Variants in CSMD1 observed in about 807,000 individuals in gnomAD.
CSMD1 encodes the protein CUB and sushi domain-containing protein 1.
CSMD1 carries 213 observed loss-of-function variants against 417.5 expected under a neutral mutation model. The observed-to-expected ratio is 0.51, with a 90% CI of 0.46 to 0.57. The LOEUF (loss-of-function observed/expected upper bound fraction) is 0.57, where lower values mean the gene tolerates loss of function less well. Ranked by LOEUF, CSMD1 falls within the 20% of genes least tolerant of loss-of-function variation. CSMD1 has a pLI of 0.00. For missense variants in CSMD1, 6,923 were observed against 4,529.7 expected (o/e 1.53, Z -15.17); for synonymous variants, 2,862 against 1,736.8 (o/e 1.65, Z -16.11).
intron 7 of CSMD1, among the ~76,000 whole-genome samples, chr8:3,698,128 C>T (rs1312971813): frequency 6.6e-6 from 1 of 152,080 alleles, no homozygotes; most frequent in Non-Finnish European, 1.5e-5. Context: ...TTCTAGTTCC[C>T]AGTGATGCTG....
intron 2 of CSMD1, among the ~76,000 whole-genome samples, chr8:4,541,612 G>A (rs1797391002): frequency 6.6e-6 from 1 of 152,068 alleles, no homozygotes; most frequent in African/African-American, 2.4e-5. Context: ...GCCGGGCATG[G>A]TGGCAAGCAC....
intron 5 of CSMD1, among the ~76,000 whole-genome samples, chr8:3,926,014 TACACACACACAC>T (rs10635075): frequency 2.7e-4 from 33 of 123,460 alleles, no homozygotes; most frequent in African/African-American, 9.7e-4. Context: ...TATTTGTCTA[TACACACACACAC>T]ACACACACAC....
chr8:3,178,033 C>T (rs1279259599), intron 37 of CSMD1, among the ~76,000 whole-genome samples: 1 of 152,108 alleles, frequency 6.6e-6, no homozygotes. Context: ...TTCAAAGATG[C>T]TAATCTTTTT....
chr8:3,365,087 T>A (rs551389699), intron 20 of CSMD1, among the ~76,000 whole-genome samples: 2 of 152,192 alleles, frequency 1.3e-5, no homozygotes, highest in Non-Finnish European at 2.9e-5. Flanking sequence ...GAGGAAGTGA[T>A]ATTCTCATAG....
chr8:4,375,766 T>C (rs975517346), intron 3 of CSMD1, among the ~76,000 whole-genome samples: 1 of 152,308 alleles, frequency 6.6e-6, no homozygotes, highest in South Asian at 2.1e-4. Flanking sequence ...CCTGTCTTTG[T>C]ACAGTGATTT....
intron 11 of CSMD1, among the ~76,000 whole-genome samples, chr8:3,476,774 C>T (rs1817452175): frequency 6.6e-6 from 1 of 151,952 alleles, no homozygotes; most frequent in Non-Finnish European, 1.5e-5. Flanking sequence ...GAACATTAGC[C>T]AGGCTTGGTG....
chr8:4,307,205 C>T (rs1388189166), intron 3 of CSMD1, among the ~76,000 whole-genome samples: 3 of 152,146 alleles, frequency 2.0e-5, no homozygotes, highest in Non-Finnish European at 4.4e-5. Context: ...CCTTCTACGG[C>T]TCATTATTTT....
chr8:3,314,080 T>A (rs542125489), intron 23 of CSMD1, among the ~76,000 whole-genome samples: 1 of 146,622 alleles, frequency 6.8e-6, no homozygotes, highest in African/African-American at 2.6e-5. Context: ...TGAGAACACA[T>A]GGACACAGGA....
intron 6 of CSMD1, among the ~76,000 whole-genome samples, chr8:3,715,467 T>G (rs961716381): frequency 6.6e-6 from 1 of 152,192 alleles, no homozygotes; most frequent in Non-Finnish European, 1.5e-5. Context: ...CTTTTCTGCA[T>G]GATTAACCCA....
intron 12 of CSMD1, among the ~76,000 whole-genome samples, chr8:3,468,112 A>G (rs1032402739): frequency 6.6e-6 from 1 of 152,234 alleles, no homozygotes; most frequent in African/African-American, 2.4e-5. Context: ...AAATACTGAA[A>G]TAAACTTGCT....
chr8:4,450,404 G>A (rs995300827), intron 2 of CSMD1, among the ~76,000 whole-genome samples: 1 of 152,216 alleles, frequency 6.6e-6, no homozygotes. Context: ...GAGGCAGGCG[G>A]ATCAGCAGGT....
At chr8:4,185,712 T>C (rs185107983) in intron 3 of CSMD1, among the ~76,000 whole-genome samples, 41 of 152,304 alleles carry the variant, frequency 2.7e-4, no homozygotes, top group Non-Finnish European at 3.8e-4. Flanking sequence ...TACTGAAATA[T>C]GTTCGTCAGA....
At chr8:4,193,265 C>T (rs901500859) in intron 3 of CSMD1, among the ~76,000 whole-genome samples, 42 of 152,118 alleles carry the variant, frequency 2.8e-4, no homozygotes, top group African/African-American at 9.7e-4. Flanking sequence ...TGTGAAAATA[C>T]GTTGCATCAC....
At chr8:3,987,177 T>A (rs1297961157) in intron 5 of CSMD1, among the ~76,000 whole-genome samples, 1 of 152,198 alleles carries the variant, frequency 6.6e-6, no homozygotes, top group Non-Finnish European at 1.5e-5. Flanking sequence ...ATCCAGTATA[T>A]ACACTTCTTA....
chr8:4,213,805 C>G (rs1700069), intron 3 of CSMD1, among the ~76,000 whole-genome samples: 144,076 of 152,194 alleles, frequency 0.95, 68,713 homozygotes, highest in East Asian at 1. Flanking sequence ...AACTAACTTG[C>G]ATTGAGAAAG....
Position 3,944,650 on chromosome 8 carries a change from T to C in CSMD1, c.818+53253A>G, listed in dbSNP as rs531390136. ...AGACTTTTCCTTTATAACTGGTGGATTCATTTTTGGGGAATGGTGGGAAAT... is the reference window on the plus strand; with the variant it reads ...AGACTTTTCCTTTATAACTGGTGGACTCATTTTTGGGGAATGGTGGGAAAT... On this transcript the variant is annotated intron_variant, in intron 5 of 69. Coordinates refer to ENST00000635120, the MANE Select transcript of CSMD1 (RefSeq NM_033225.6). Among the ~76,000 whole-genome samples, 26 of 152,308 alleles carry C rather than the reference T, an allele frequency of 1.7e-4. No homozygotes were observed. The South Asian group carries it at 5.4e-3, about 32-fold the overall frequency.
intron 11 of CSMD1, among the ~76,000 whole-genome samples, chr8:3,474,523 A>G (rs1400649601): frequency 1.3e-5 from 2 of 152,152 alleles, no homozygotes; most frequent in East Asian, 3.8e-4. Context: ...ATCTTTCTTA[A>G]AAGTGTGTAT....
chr8:3,038,405 C>A (rs538774830), intron 50 of CSMD1, among the ~76,000 whole-genome samples: 1 of 152,284 alleles, frequency 6.6e-6, no homozygotes, highest in African/African-American at 2.4e-5. Flanking sequence ...GATTTAAAGT[C>A]AAAAATCTTA....
intron 1 of CSMD1, among the ~76,000 whole-genome samples, chr8:4,766,330 G>C (rs76317164): frequency 2.0e-5 from 3 of 152,236 alleles, no homozygotes; most frequent in East Asian, 3.9e-4. Flanking sequence ...TGCATGATGT[G>C]GGGGCCTGGT....
Sources: gnomAD v4.1 joint callset for allele counts (sites outside exome capture counted in the v4.1 genomes callset) on GRCh38, gnomAD v4.1.1 for gene constraint, MANE v1.5 for transcripts, NCBI Gene and HGNC (gene_info 2026-07-23, HGNC 2026-07-21) for gene names.